The following RYR1 variants were observed in gnomAD, a reference collection of about 807,000 sequenced individuals.
RYR1 encodes ryanodine receptor 1.
RYR1 carries 342 observed loss-of-function variants against 583.5 expected under a neutral mutation model. The observed-to-expected ratio is 0.59, with a 90% CI of 0.54 to 0.64. The LOEUF is 0.64. RYR1 is among the 30% of genes least tolerant of loss of function. RYR1 has a pLI of 0.00. For missense variants in RYR1, 6,032 were observed against 6,917.2 expected (o/e 0.87, Z 4.54); for synonymous variants, 2,791 against 2,822.5 (o/e 0.99, Z 0.35).
intron 87 of RYR1, among the ~76,000 whole-genome samples, chr19:38,544,851 A>G (rs1428744071): frequency 6.6e-6 from 1 of 152,256 alleles, no homozygotes; most frequent in Non-Finnish European, 1.5e-5. Flanking sequence ...TGCAAAAGCT[A>G]GAAATCCAGT....
At chr19:38,534,868 C>G (rs746263259) in intron 79 of RYR1, 49 bp downstream of exon 79, 1 of 1,558,784 alleles carries the variant, frequency 6.4e-7, no homozygotes, top group African/African-American at 1.4e-5. Flanking sequence ...TCATCCTAAC[C>G]TCACTCCTCC....
At chr19:38,518,667 G>A (rs917599467) in intron 66 of RYR1, among the ~76,000 whole-genome samples, 30 of 152,212 alleles carry the variant, frequency 2.0e-4, no homozygotes, top group African/African-American at 7.0e-4. Context: ...AGTGGCTCAC[G>A]CCTGTAATCC....
In RYR1 at chr19:38,561,041, A is replaced by T. The variant is rs1362372910; in HGVS notation, c.12283-72A>T. ...GGGCGACACAGCGAGACCTTGTCTT[A>T]AAAAAAAAAAAAAAAAGAGAGAGAA... On this transcript the variant is annotated intron_variant, in intron 89 of 105. Coordinates refer to ENST00000359596, the MANE Select transcript of RYR1 (RefSeq NM_000540.3). The surrounding 1 kb of genome is among the most constrained non-coding windows in gnomAD (Gnocchi z 4.8). 70 of 144,484 alleles carry T rather than the reference A, an allele frequency of 4.8e-4. No homozygotes were observed. In the East Asian group the frequency reaches 0.013, roughly 26 times the overall value. The allele number at this position is 144,484 out of a possible 1,614,324, so 9.0% of individuals were successfully genotyped here.
At chr19:38,511,171 C>T (rs1035947597) in intron 60 of RYR1, among the ~76,000 whole-genome samples, 1 of 152,126 alleles carries the variant, frequency 6.6e-6, no homozygotes, top group African/African-American at 2.4e-5. Flanking sequence ...TGGTGCATGC[C>T]TGTAGTCCCA....
In RYR1 at chr19:38,435,228, T is replaced by C. The variant is rs115346769; in HGVS notation, c.45+1354T>C. Among the ~76,000 whole-genome samples the C allele has an allele frequency of 5.2e-3, 787 of 152,288 alleles. 6 individuals are homozygous for C. Among genetic ancestry groups the C allele is most frequent in the African/African-American group, 0.018 (757 of 41,562 alleles). The stretch of plus-strand genomic sequence containing the variant: ...GATTTGAGGGAAACCAAGGCCCGAA[T>C]GGTAGAATCACTCACCCAAGGTCAA... On this transcript the variant is annotated intron_variant, in intron 1 of 105. Coordinates refer to ENST00000359596, the MANE Select transcript of RYR1 (RefSeq NM_000540.3).
intron 27 of RYR1, among the ~76,000 whole-genome samples, chr19:38,472,707 G>A (rs532146032): frequency 2.0e-5 from 3 of 151,694 alleles, no homozygotes; most frequent in South Asian, 4.2e-4. Context: ...GTGAAACCCC[G>A]TCTCTACCAA....
chr19:38,496,724 T>C lies in RYR1; in HGVS notation c.6797-136T>C. On this transcript the variant is annotated intron_variant, in intron 41 of 105. Transcript: ENST00000359596. This position sits in a 1 kb window ranked among gnomAD's most constrained non-coding sequence, Gnocchi z 4.8. Reference sequence around the variant, plus strand: ...CCCCAATAGTGACAGCCCAGAGTGGTCAGAGCTTGGATGAGGGAAGTACAG... The same window carrying C: ...CCCCAATAGTGACAGCCCAGAGTGGCCAGAGCTTGGATGAGGGAAGTACAG... The C allele has an allele frequency of 8.8e-7, 1 of 1,141,426 alleles. No individual in the cohort carries two copies. Among genetic ancestry groups the C allele is most frequent in the South Asian group, 1.3e-5 (1 of 78,386 alleles). The allele number at this position is 1,141,426 out of a possible 1,614,324, so 70.7% of individuals were successfully genotyped here.
chr19:38,510,595 G>A lies in RYR1; in HGVS notation c.9000+30G>A, dbSNP rs541814190. 2.4e-5 allele frequency: 39 copies of A among 1,614,008 alleles called. No individual in the cohort carries two copies. The East Asian group carries it at 4.9e-4, about 20-fold the overall frequency. ...GAGGTGGGCTTAGAAGCTGGAGGGC[G>A]CTGGGGACTCATAGGCTCTCCCCAC... On this transcript the variant is annotated intron_variant, in intron 59 of 105. Transcript: ENST00000359596.
chr19:38,561,353 C>G lies in RYR1; in HGVS notation c.12523C>G (p.Pro4175Ala), dbSNP rs776736001. 1.6e-5 allele frequency: 26 copies of G among 1,613,846 alleles called. No homozygotes were observed. In the East Asian group the frequency reaches 5.8e-4, roughly 36 times the overall value. The change falls in exon 90 of 106, where the codon CCC (proline) becomes GCC (alanine). Residue 4175 changes from proline to alanine, a missense_variant. By Grantham distance (27) the Pro-to-Ala change is conservative. Coordinates refer to ENST00000359596, the MANE Select transcript of RYR1 (RefSeq NM_000540.3). The surrounding 1 kb of genome is among the most constrained non-coding windows in gnomAD (Gnocchi z 4.8). Reference protein sequence around the residue: ...LAESILEYFRPYLGRIEIMGA... With the variant: ...LAESILEYFRAYLGRIEIMGA... ...CGAGAGCATCCTTGAGTACTTCCGC[C>G]CCTACCTGGGCCGCATCGAGATCAT...
chr19:38,452,837 C>A lies in RYR1; in HGVS notation c.1263C>A (p.Ser421Arg), dbSNP rs751745179. 19 of 1,597,708 alleles carry A rather than the reference C, an allele frequency of 1.2e-5. No homozygotes were observed. The highest frequency in any genetic ancestry group is 1.6e-5 in the Non-Finnish European group (19 of 1,172,594). ...CCTGTAGGAGCCTGGACAGCTTCAGCGGGAAGCCACGGGGCTCGGGGCCAC... is the reference window on the plus strand; with the variant it reads ...CCTGTAGGAGCCTGGACAGCTTCAGAGGGAAGCCACGGGGCTCGGGGCCAC... ...NQFIKSLDSF[S>R]GKPRGSGPPA... The change falls in exon 13 of 106, where the codon AGC becomes AGA. Residue 421 changes from serine (S) to arginine (R), a missense_variant. Transcript: ENST00000359596.
chr19:38,550,493 C>T (rs1022292756), intron 89 of RYR1, among the ~76,000 whole-genome samples: 2 of 152,112 alleles, frequency 1.3e-5, no homozygotes, highest in African/African-American at 4.8e-5. Flanking sequence ...GTGGTTTCAT[C>T]CCATTACTGT....
intron 34 of RYR1, among the ~76,000 whole-genome samples, chr19:38,486,429 C>T (rs1406808553): frequency 6.6e-6 from 1 of 152,132 alleles, no homozygotes; most frequent in Non-Finnish European, 1.5e-5. Flanking sequence ...CTGCAACCTC[C>T]GCCTCCCAGG....
rs752586931 is a variant in RYR1, at chr19:38,440,894, A to G, written c.165+30A>G. On this transcript the variant is annotated intron_variant, in intron 2 of 105. Transcript: ENST00000359596. The stretch of plus-strand genomic sequence containing the variant: ...GTGCAGGAGGGAGAGGGGCCTGGGG[A>G]CAGGGGCGTCTGAAGGGGCAGAGAA... 15 of 1,600,422 alleles carry G rather than the reference A, an allele frequency of 9.4e-6. 1 individual carries two copies. The South Asian group carries it at 1.3e-4, about 14-fold the overall frequency.
intron 12 of RYR1, among the ~76,000 whole-genome samples, chr19:38,452,522 T>A (rs899071802): frequency 6.6e-6 from 1 of 152,066 alleles, no homozygotes; most frequent in African/African-American, 2.4e-5. Context: ...ACAACCATGA[T>A]CACATTCCTG....
At chr19:38,489,514 A>T in intron 35 of RYR1, 71 bp downstream of exon 35, 1 of 1,571,558 alleles carries the variant, frequency 6.4e-7, no homozygotes, top group Non-Finnish European at 8.8e-7. Flanking sequence ...GTGGGATGTG[A>T]GTCTGGACTT....
At position 38,446,785 on chromosome 19, in the gene RYR1, G is replaced by T. The variant is rs750453155; in HGVS notation, c.800+17G>T. On this transcript the variant is annotated intron_variant, in intron 9 of 105. Transcript: ENST00000359596. ...GAGAATCAGGTAGGGCGGGGAAGAT[G>T]GGGAGAGACCAGGGAGAGGCTGGGG... 6.2e-7 allele frequency: 1 copy of T among 1,609,672 alleles called. No homozygotes were observed. Among genetic ancestry groups the T allele is most frequent in the Admixed American group, 1.7e-5 (1 of 59,990 alleles).
At chr19:38,462,891 C>CTTTTTTTTTT (rs553168266) in intron 20 of RYR1, among the ~76,000 whole-genome samples, 7 of 78,754 alleles carry the variant, frequency 8.9e-5, no homozygotes, top group African/African-American at 1.5e-4. Flanking sequence ...ACTCTCTCTT[C>CTTTTTTTTTT]TTTTTTTTTT....
Position 38,448,660 on chromosome 19 carries a change from T to C in RYR1, c.969T>C (p.Asp323=). The C allele has an allele frequency of 1.9e-6, 3 of 1,614,190 alleles. No individual in the cohort carries two copies. In the South Asian group the frequency reaches 3.3e-5, roughly 18 times the overall value. ...FCFRISKEKL[D]VAPKRDVEGM... is the part of the protein sequence containing the mutation. ...CCCTGCCCCTGTAGGAGAAGCTGGA[T>C]GTGGCCCCCAAGCGGGATGTGGAGG... The change falls in exon 11 of 106, where the codon GAT becomes GAC. Residue 323 remains aspartate, a synonymous_variant. Transcript: ENST00000359596.
At chr19:38,498,765 C>T (rs777750757) in intron 42 of RYR1, among the ~76,000 whole-genome samples, 7 of 152,174 alleles carry the variant, frequency 4.6e-5, no homozygotes, top group Non-Finnish European at 8.8e-5. Context: ...AGGTCACTCT[C>T]GTTGCCATCT....
Sources: allele counts gnomAD v4.1 joint callset (sites outside exome capture counted in the v4.1 genomes callset), GRCh38; gene constraint gnomAD v4.1.1; non-coding constraint Gnocchi (gnomAD v3.1); transcripts MANE v1.5; gene names NCBI Gene and HGNC (gene_info 2026-07-23, HGNC 2026-07-21).